Variants in LOXL1 observed in about 807,000 individuals in gnomAD.
LOXL1 encodes lysyl oxidase homolog 1.
A neutral mutation model predicts 62.2 loss-of-function variants in LOXL1; 31 were observed. The observed-to-expected ratio is 0.50, with a 90% CI of 0.37 to 0.67. The LOEUF (loss-of-function observed/expected upper bound fraction) is 0.67, where lower values mean the gene tolerates loss of function less well. Among genes scored for constraint, LOXL1 ranks in the 30% least tolerant of loss-of-function variants. LOXL1 has a pLI of 0.00. For missense variants in LOXL1, 775 were observed against 843.4 expected (o/e 0.92, Z 1.00); for synonymous variants, 403 against 384.4 (o/e 1.05, Z -0.56).
Position 73,927,851 on chromosome 15 carries a change from G to A in LOXL1, c.1068G>A (p.Val356=). The change falls in exon 1 of 7, where the codon GTG becomes GTA. Residue 356 remains valine, a synonymous_variant. Coordinates refer to ENST00000261921, the MANE Select transcript of LOXL1 (RefSeq NM_005576.4). The part of the protein sequence containing the change: ...RNGAQQGRLS[V]GSVYRPNQNG... ...GCGCGCAGCAGGGCCGCCTCAGCGTGGGCAGCGTGTACCGGCCCAACCAGA... is the reference window on the plus strand; with the variant it reads ...GCGCGCAGCAGGGCCGCCTCAGCGTAGGCAGCGTGTACCGGCCCAACCAGA... The A allele has an allele frequency of 7.5e-7, 1 of 1,337,134 alleles. No homozygotes were observed. Among genetic ancestry groups the A allele is most frequent in the Non-Finnish European group, 9.5e-7 (1 of 1,052,244 alleles). 82.8% of individuals were successfully genotyped at this position (1,337,134 alleles called of 1,614,324 possible).
In LOXL1 at chr15:73,951,926, A is replaced by G. The variant is rs892716021; in HGVS notation, c.*89A>G. ...CTCCCGCCGAGGGGCCCAGCCCCCAACCCACAGGCACGGAGGGGCATCCCT... is the reference window on the plus strand; with the variant it reads ...CTCCCGCCGAGGGGCCCAGCCCCCAGCCCACAGGCACGGAGGGGCATCCCT... On this transcript the variant is annotated 3_prime_UTR_variant, in exon 7 of 7. Transcript: ENST00000261921. 1 of 1,260,412 alleles carries G rather than the reference A, an allele frequency of 7.9e-7. No homozygotes were observed. The highest frequency in any genetic ancestry group is 1.0e-6 in the Non-Finnish European group (1 of 963,350). The allele number at this position is 1,260,412 out of a possible 1,614,324, so 78.1% of individuals were successfully genotyped here.
At chr15:73,935,567 C>T (rs1316533758) in intron 1 of LOXL1, among the ~76,000 whole-genome samples, 2 of 152,138 alleles carry the variant, frequency 1.3e-5, no homozygotes, top group African/African-American at 4.8e-5. Context: ...GTAGGGGGCA[C>T]CAGGCAGGGC....
In LOXL1 at chr15:73,927,858, G is replaced by A; in HGVS notation, c.1075G>A (p.Val359Met). 1.2e-5 allele frequency: 16 copies of A among 1,334,908 alleles called. No individual in the cohort carries two copies. Among genetic ancestry groups the A allele is most frequent in the South Asian group, 2.0e-5 (1 of 48,918 alleles). 82.7% of individuals were successfully genotyped at this position (1,334,908 alleles called of 1,614,324 possible). Reference protein sequence around the residue: ...AQQGRLSVGSVYRPNQNGRGL... With the variant: ...AQQGRLSVGSMYRPNQNGRGL... ...GCAGGGCCGCCTCAGCGTGGGCAGC[G>A]TGTACCGGCCCAACCAGAACGGCCG... Residue 359 changes from valine to methionine, a missense_variant, in exon 1 of 7, where the codon GTG becomes ATG. By Grantham distance (21) the Val-to-Met change is conservative. Coordinates refer to ENST00000261921, the MANE Select transcript of LOXL1 (RefSeq NM_005576.4).
At chr15:73,949,333 C>T (rs983974130) in intron 5 of LOXL1, 126 bp from the exon 6 acceptor site, 2 of 719,986 alleles carry the variant, frequency 2.8e-6, no homozygotes, top group Admixed American at 3.8e-5. Context: ...CAGTGTGTCT[C>T]TGTTCTCCCT....
intron 1 of LOXL1, among the ~76,000 whole-genome samples, chr15:73,929,470 T>C (rs370920163): frequency 2.0e-5 from 3 of 152,248 alleles, no homozygotes; most frequent in Non-Finnish European, 2.9e-5. Flanking sequence ...CCCTGGGTAC[T>C]GCTGGAGGCC....
At position 73,945,611 on chromosome 15, in the gene LOXL1, C is replaced by T. The variant is rs942298596; in HGVS notation, c.1212-806C>T. On this transcript the variant is annotated intron_variant, in intron 2 of 6. Transcript: ENST00000261921. This position sits in a 1 kb window ranked among gnomAD's most constrained non-coding sequence, Gnocchi z 4.3. Reference sequence around the variant, plus strand: ...AAGAGGCTTTGACCAGAGGACTTCACGTCTGTTTTTCAGGCCCACACCCAA... The same window carrying T: ...AAGAGGCTTTGACCAGAGGACTTCATGTCTGTTTTTCAGGCCCACACCCAA... 2.0e-5 allele frequency among the ~76,000 whole-genome samples: 3 copies of T among 152,120 alleles called. No individual in the cohort carries two copies. Among genetic ancestry groups the T allele is most frequent in the South Asian group, 4.2e-4 (2 of 4,818 alleles).
intron 1 of LOXL1, among the ~76,000 whole-genome samples, chr15:73,940,368 C>G (rs1036688932): frequency 3.3e-5 from 5 of 152,064 alleles, no homozygotes; most frequent in African/African-American, 1.2e-4. Context: ...CAGTACTCTA[C>G]AAATGCCCCT....
intron 1 of LOXL1, among the ~76,000 whole-genome samples, chr15:73,939,016 A>G (rs899856044): frequency 1.3e-5 from 2 of 152,156 alleles, no homozygotes; most frequent in Admixed American, 1.3e-4. Context: ...GACTTCACCC[A>G]ACATTGGCCA....
In LOXL1 at chr15:73,933,501, G is replaced by A. The variant is rs562155695; in HGVS notation, c.1102+5616G>A. ...GGATGGTGGCAGAGCAGGGTTGGGAGCCATTAGTACCATTATGGGCACCAG... is the reference window on the plus strand; with the variant it reads ...GGATGGTGGCAGAGCAGGGTTGGGAACCATTAGTACCATTATGGGCACCAG... On this transcript the variant is annotated intron_variant, in intron 1 of 6. Coordinates refer to ENST00000261921, the MANE Select transcript of LOXL1 (RefSeq NM_005576.4). Among the ~76,000 whole-genome samples the A allele has an allele frequency of 1.7e-4, 26 of 152,332 alleles. No homozygotes were observed. In the Middle Eastern group the frequency reaches 0.01, roughly 60 times the overall value.
At chr15:73,947,273 G>A (rs759118373) in intron 4 of LOXL1, 50 bp downstream of exon 4, 1 of 1,549,944 alleles carries the variant, frequency 6.5e-7, no homozygotes, top group Non-Finnish European at 8.8e-7. Context: ...AGGAGTTGGG[G>A]AGGCAAAGAG....
chr15:73,927,680 G>A lies in LOXL1; in HGVS notation c.897G>A (p.Gln299=), dbSNP rs1379157004. 21 of 1,484,580 alleles carry A rather than the reference G, an allele frequency of 1.4e-5. No homozygotes were observed. The highest frequency in any genetic ancestry group is 1.8e-5 in the Non-Finnish European group (20 of 1,124,728). The allele number at this position is 1,484,580 out of a possible 1,614,324, so 92.0% of individuals were successfully genotyped here. ...AYPDPGPEAA[Q]AHGGDPRLGW... The stretch of plus-strand genomic sequence containing the variant: ...CTGACCCCGGTCCCGAGGCGGCGCA[G>A]GCCCATGGCGGAGACCCACGCCTGG... The change falls in exon 1 of 7, where the codon CAG becomes CAA. Residue 299 remains glutamine (Q), a synonymous_variant. Coordinates refer to ENST00000261921, the MANE Select transcript of LOXL1 (RefSeq NM_005576.4).
chr15:73,938,173 A>G (rs1265049874), intron 1 of LOXL1, among the ~76,000 whole-genome samples: 1 of 151,968 alleles, frequency 6.6e-6, no homozygotes, highest in African/African-American at 2.4e-5. Context: ...CCAGCTGCTC[A>G]GGAGGCTGAG....
chr15:73,926,782 C>G lies in LOXL1; in HGVS notation c.-2C>G, dbSNP rs1341666020. 7 of 1,427,742 alleles carry G rather than the reference C, an allele frequency of 4.9e-6. No homozygotes were observed. Among genetic ancestry groups the G allele is most frequent in the Non-Finnish European group, 6.4e-6 (7 of 1,086,808 alleles). 88.4% of individuals were successfully genotyped at this position (1,427,742 alleles called of 1,614,324 possible). A position where few individuals can be genotyped will look rare whatever the true frequency, so the allele number is the denominator to read the frequency against. On this transcript the variant is annotated 5_prime_UTR_variant, in exon 1 of 7. Coordinates refer to ENST00000261921, the MANE Select transcript of LOXL1 (RefSeq NM_005576.4). ...CCACCAGGCCTCTGCAGAGGGGTCA[C>G]CATGGCTCTGGCCCGAGGCAGCCGG...
chr15:73,944,150 G>A (rs2068732993), intron 2 of LOXL1, among the ~76,000 whole-genome samples: 2 of 152,164 alleles, frequency 1.3e-5, no homozygotes. Flanking sequence ...AGCCTGTCTG[G>A]GCAGTTCTTG....
Position 73,949,645 on chromosome 15 carries a change from G to A in LOXL1, c.1718+71G>A, listed in dbSNP as rs1440102. ...CTGGGGAGCAGGCAAGGCCACCTGAGATACCTAAGATACCTGCACTTTAGG... is the reference window on the plus strand; with the variant it reads ...CTGGGGAGCAGGCAAGGCCACCTGAAATACCTAAGATACCTGCACTTTAGG... On this transcript the variant is annotated intron_variant, in intron 6 of 6. Transcript: ENST00000261921. 11,221 of 944,938 alleles carry A rather than the reference G, an allele frequency of 0.012. 757 individuals carry two copies. In the African/African-American group the frequency reaches 0.16, roughly 13 times the overall value. 58.5% of individuals were successfully genotyped at this position (944,938 alleles called of 1,614,324 possible).
intron 2 of LOXL1, among the ~76,000 whole-genome samples, chr15:73,946,204 G>A (rs1432505648): frequency 6.6e-6 from 1 of 152,246 alleles, no homozygotes. Context: ...CCAGAAAGGA[G>A]GGGACAGCCA....
Position 73,927,134 on chromosome 15 carries a change from C to G in LOXL1, c.351C>G (p.His117Gln), listed in dbSNP as rs1171816775. 2.2e-5 allele frequency: 31 copies of G among 1,440,040 alleles called. No homozygotes were observed. The highest frequency in any genetic ancestry group is 2.7e-5 in the Non-Finnish European group (30 of 1,091,608). 89.2% of individuals were successfully genotyped at this position (1,440,040 alleles called of 1,614,324 possible). Residue 117 changes from histidine to glutamine, a missense_variant, in exon 1 of 7, where the codon CAC (histidine) becomes CAG (glutamine). Physicochemically the swap from His to Gln is conservative, Grantham distance 24. Coordinates refer to ENST00000261921, the MANE Select transcript of LOXL1 (RefSeq NM_005576.4). Reference sequence around the variant, plus strand: ...ACACCGTGCGCGGCCAGGCGCGGCACCCATTCGGCTTTGGCCAGGTGCCCG... The same window carrying G: ...ACACCGTGCGCGGCCAGGCGCGGCAGCCATTCGGCTTTGGCCAGGTGCCCG... ...GSDTVRGQAR[H>Q]PFGFGQVPDN...
intron 1 of LOXL1, among the ~76,000 whole-genome samples, chr15:73,939,269 G>A (rs2068697242): frequency 6.6e-6 from 1 of 152,196 alleles, no homozygotes; most frequent in South Asian, 2.1e-4. Context: ...GTTCCTTCCT[G>A]GAAAAACATA....
At chr15:73,950,849 A>G (rs1287348733) in intron 6 of LOXL1, among the ~76,000 whole-genome samples, 6 of 152,234 alleles carry the variant, frequency 3.9e-5, no homozygotes, top group African/African-American at 1.4e-4. Flanking sequence ...CATCATGAAT[A>G]TTAAAAATGG....
Sources: allele counts gnomAD v4.1 joint callset (sites outside exome capture counted in the v4.1 genomes callset), GRCh38; gene constraint gnomAD v4.1.1; non-coding constraint Gnocchi (gnomAD v3.1); transcripts MANE v1.5; gene names NCBI Gene and HGNC (gene_info 2026-07-23, HGNC 2026-07-21).